Variants in CDC14B observed in about 807,000 individuals in gnomAD.
The protein encoded by CDC14B is cell division cycle 14B, also known as dual specificity protein phosphatase CDC14B.
Under a neutral mutation model 64.2 loss-of-function variants are expected in CDC14B, and 22 were observed. That is an observed-to-expected ratio of 0.34 (90% CI 0.24 to 0.49). The LOEUF (loss-of-function observed/expected upper bound fraction) is 0.49. CDC14B is among the 20% of genes least tolerant of loss of function. CDC14B has a pLI of 0.99. For synonymous variants in CDC14B, 191 were observed against 215.8 expected (o/e 0.89, Z 1.01); for missense variants, 498 against 629.9 (o/e 0.79, Z 2.24).
chr9:96,557,264 G>C (rs1242430646), intron 4 of CDC14B, among the ~76,000 whole-genome samples: 2 of 152,246 alleles, frequency 1.3e-5, no homozygotes, highest in Admixed American at 1.3e-4. Flanking sequence ...GCTCAGCCCA[G>C]TTCGCCTCAC....
chr9:96,534,276 T>C, intron 8 of CDC14B, 119 bp from the exon 9 acceptor site: 3 of 797,410 alleles, frequency 3.8e-6, no homozygotes, highest in Admixed American at 2.9e-5. Context: ...AATTTGATTA[T>C]AACTGTAAAA....
chr9:96,534,565 AT>A, intron 7 of CDC14B, 23 bp from the exon 8 acceptor site: 1 of 1,535,230 alleles, frequency 6.5e-7, no homozygotes, highest in Non-Finnish European at 9.0e-7. Context: ...GACCAGCACA[AT>A]TCGTTTTTAA....
chr9:96,506,975 G>A (rs1834211663), intron 13 of CDC14B, among the ~76,000 whole-genome samples: 1 of 152,238 alleles, frequency 6.6e-6, no homozygotes, highest in Admixed American at 6.5e-5. Context: ...AGAATTAAAT[G>A]TGCAAGACAC....
At chr9:96,617,483 G>T (rs1321802418) in intron 1 of CDC14B, among the ~76,000 whole-genome samples, 1 of 151,994 alleles carries the variant, frequency 6.6e-6, no homozygotes, top group South Asian at 2.1e-4. Context: ...TCATAAAACC[G>T]TATGTACATT....
At chr9:96,535,589 G>C (rs1839167098) in intron 7 of CDC14B, among the ~76,000 whole-genome samples, 1 of 152,172 alleles carries the variant, frequency 6.6e-6, no homozygotes, top group African/African-American at 2.4e-5. Context: ...TAGTGCAGAA[G>C]GAGAGGACTC....
At chr9:96,522,355 G>GCAA in intron 12 of CDC14B, 151 bp downstream of exon 12, 1 of 620,698 alleles carries the variant, frequency 1.6e-6, no homozygotes, top group South Asian at 1.9e-5. Flanking sequence ...TCCAAGGCCA[G>GCAA]CACCCCTAGG....
intron 1 of CDC14B, among the ~76,000 whole-genome samples, chr9:96,614,497 AAAAATAAAAATAGT>A (rs1847506814): frequency 6.6e-6 from 1 of 152,064 alleles, no homozygotes; most frequent in East Asian, 1.9e-4. Flanking sequence ...CAGAAATTTT[AAAAATAAAAATAGT>A]AAAATAAATC....
chr9:96,593,571 A>G (rs918032768), intron 1 of CDC14B, among the ~76,000 whole-genome samples: 1 of 151,902 alleles, frequency 6.6e-6, no homozygotes. Flanking sequence ...AAGTTAATTC[A>G]TATAAATAAT....
chr9:96,607,124 TGGTTAGCTTTCAG>T (rs1847003369), intron 1 of CDC14B, among the ~76,000 whole-genome samples: 1 of 152,006 alleles, frequency 6.6e-6, no homozygotes, highest in Non-Finnish European at 1.5e-5. Context: ...GGGAATTTAA[TGGTTAGCTTTCAG>T]AATATCCCAC....
intron 1 of CDC14B, among the ~76,000 whole-genome samples, chr9:96,608,892 GACACACACACAC>G (rs59953256): frequency 2.4e-4 from 34 of 144,658 alleles, no homozygotes; most frequent in African/African-American, 6.8e-4. Context: ...TTAAAACACA[GACACACACACAC>G]ACACACACAC....
chr9:96,548,924 G>A (rs755764737), intron 5 of CDC14B, among the ~76,000 whole-genome samples: 33 of 152,032 alleles, frequency 2.2e-4, no homozygotes, highest in Non-Finnish European at 8.8e-5. Flanking sequence ...CTTGCACAAC[G>A]TCGTGTTAGC....
At chr9:96,598,783 G>C (rs16911385) in intron 1 of CDC14B, among the ~76,000 whole-genome samples, 200 of 152,308 alleles carry the variant, frequency 1.3e-3, no homozygotes, top group African/African-American at 3.8e-3. Flanking sequence ...CTGTATATAT[G>C]TGAAATGACA....
At chr9:96,519,258 T>C (rs1437858378) in intron 12 of CDC14B, among the ~76,000 whole-genome samples, 1 of 152,248 alleles carries the variant, frequency 6.6e-6, no homozygotes, top group African/African-American at 2.4e-5. Context: ...GCTCAAGTTA[T>C]GCAATCTACC....
At chr9:96,507,716 A>C (rs1354915939) in intron 13 of CDC14B, among the ~76,000 whole-genome samples, 1 of 151,912 alleles carries the variant, frequency 6.6e-6, no homozygotes, top group African/African-American at 2.4e-5. Flanking sequence ...GCCCAGCCTG[A>C]ATTTTTAATA....
intron 1 of CDC14B, among the ~76,000 whole-genome samples, chr9:96,590,369 G>A (rs1456402773): frequency 6.6e-6 from 1 of 152,142 alleles, no homozygotes; most frequent in Non-Finnish European, 1.5e-5. Flanking sequence ...ATACATACCA[G>A]ATTTTCTTTT....
chr9:96,578,747 AAGGTT>A (rs1277957187), intron 1 of CDC14B, among the ~76,000 whole-genome samples: 7 of 152,236 alleles, frequency 4.6e-5, no homozygotes, highest in Non-Finnish European at 8.8e-5. Context: ...AGAATAGAGA[AAGGTT>A]AATGGGAAAG....
chr9:96,584,484 G>C (rs1209171617), intron 1 of CDC14B, among the ~76,000 whole-genome samples: 1 of 151,614 alleles, frequency 6.6e-6, no homozygotes, highest in Non-Finnish European at 1.5e-5. Context: ...AGGCACAGAG[G>C]AAGAAAGCAT....
intron 5 of CDC14B, among the ~76,000 whole-genome samples, chr9:96,543,645 C>T (rs186890351): frequency 2.1e-4 from 32 of 152,268 alleles, no homozygotes; most frequent in Admixed American, 8.5e-4. Flanking sequence ...ATAAGGCACC[C>T]CGACCCCTAC....
rs1158510497 is a variant in CDC14B at position 96,565,380 on chromosome 9, G to C, written c.251+13C>G. ...AAACAAAAAGTTAAAATCTTTTAAA[G>C]AGCAATACTTACTTCTCATATTCAA... On this transcript the variant is annotated intron_variant, in intron 2 of 13. Transcript: ENST00000375241. 6.7e-6 allele frequency: 10 copies of C among 1,484,350 alleles called. No individual in the cohort carries two copies. The African/African-American group carries it at 8.3e-5, about 12-fold the overall frequency. 91.9% of individuals were successfully genotyped at this position (1,484,350 alleles called of 1,614,324 possible).
Sources: gnomAD v4.1 joint callset for allele counts (sites outside exome capture counted in the v4.1 genomes callset) on GRCh38, gnomAD v4.1.1 for gene constraint, MANE v1.5 for transcripts, NCBI Gene and HGNC (gene_info 2026-07-23, HGNC 2026-07-21) for gene names.